ZSCAN12: variants seen among roughly 807,000 people sequenced by gnomAD.
ZSCAN12 encodes zinc finger and SCAN domain containing 12.
A neutral mutation model predicts 23.4 loss-of-function variants in ZSCAN12; 18 were observed. The ratio of observed to expected loss-of-function variants is 0.77; its 90% CI spans 0.53 to 1.14. The LOEUF (loss-of-function observed/expected upper bound fraction) is 1.14, where lower values mean the gene tolerates loss of function less well. Ranked by LOEUF, ZSCAN12 falls within the 50% of genes most tolerant of loss-of-function variation. ZSCAN12 has a pLI of 0.00. For synonymous variants in ZSCAN12, 186 were observed against 253.4 expected (o/e 0.73, Z 2.53); for missense variants, 650 against 735.0 (o/e 0.88, Z 1.34).
At position 28,394,146 on chromosome 6, in the gene ZSCAN12, C is replaced by T. The variant is rs562207034; in HGVS notation, c.403-1100G>A. On this transcript the variant is annotated intron_variant, in intron 2 of 3. Transcript: ENST00000684592. ...TCCCATTCTTCCATGGGCTTATTTCCTCTTGCATTTAAAAATAACAGGTTT... is the reference window on the plus strand; with the variant it reads ...TCCCATTCTTCCATGGGCTTATTTCTTCTTGCATTTAAAAATAACAGGTTT... 1.3e-5 allele frequency among the ~76,000 whole-genome samples: 2 copies of T among 152,286 alleles called. 1 individual carries two copies. Among genetic ancestry groups the T allele is most frequent in the Admixed American group, 1.3e-4 (2 of 15,296 alleles).
chr6:28,384,101 T>G (rs1259610478), downstream of ZSCAN12, among the ~76,000 whole-genome samples: 3 of 152,208 alleles, frequency 2.0e-5, no homozygotes, highest in Non-Finnish European at 4.4e-5. Context: ...AAACTGAGAT[T>G]CGAACCATGG....
Position 28,391,298 on chromosome 6 carries a change from TTATACGG to T in ZSCAN12, c.985_991del (p.Pro329SerfsTer295), listed in dbSNP as rs1282096386. ...AAAGGCTTTGCCACATTCATTACAC[TTATACGG>T]TTTCTCTCCAGTGTGTATTATTTTG... On this transcript the variant is annotated frameshift_variant, in exon 4 of 4. Coordinates refer to ENST00000684592, the MANE Select transcript of ZSCAN12 (RefSeq NM_001163391.2). LOFTEE classifies it low-confidence loss of function (END_TRUNC). This position sits in a 1 kb window ranked among gnomAD's most constrained non-coding sequence, Gnocchi z 4.1. 8 of 1,551,966 alleles carry T rather than the reference TTATACGG, an allele frequency of 5.2e-6. No homozygotes were observed. The East Asian group carries it at 1.5e-4, about 28-fold the overall frequency.
intron 2 of ZSCAN12, among the ~76,000 whole-genome samples, chr6:28,395,368 T>C (rs922021966): frequency 6.6e-6 from 1 of 152,176 alleles, no homozygotes; most frequent in South Asian, 2.1e-4. Flanking sequence ...TTAACTTACT[T>C]TCTCTCATAT....
In ZSCAN12 at chr6:28,385,533, T is replaced by C. The variant is rs1455235519; in HGVS notation, c.*4921A>G. ...AATTACCACTGCAACACATGGTTTG[T>C]TCAACTGAAATAAAGAGAGGAAGTG... On this transcript the variant is annotated 3_prime_UTR_variant, in exon 4 of 4. Transcript: ENST00000684592. Among the ~76,000 whole-genome samples, 1 of 152,214 alleles carries C rather than the reference T, an allele frequency of 6.6e-6. No individual in the cohort carries two copies. Among genetic ancestry groups the C allele is most frequent in the Non-Finnish European group, 1.5e-5 (1 of 68,038 alleles).
At chr6:28,384,563 G>T (rs367723122), downstream of ZSCAN12, among the ~76,000 whole-genome samples, 39 of 152,276 alleles carry the variant, frequency 2.6e-4, no homozygotes, top group African/African-American at 8.2e-4. Flanking sequence ...CTCTTCAAGA[G>T]ATGAAATCAA....
At chr6:28,382,692 C>G (rs1006536104), downstream of ZSCAN12, 3 of 1,468,720 alleles carry the variant, frequency 2.0e-6, no homozygotes, top group African/African-American at 4.3e-5. Context: ...GAACAAGGCA[C>G]TGAAAGAAAA....
In ZSCAN12 at chr6:28,391,372, T is replaced by C. The variant is rs1338973485; in HGVS notation, c.918A>G (p.Glu306=). ...HTGDRPYKCE[E]CGKAFRGRTV... The stretch of plus-strand genomic sequence containing the variant: ...TTCTCCCACGGAAAGCTTTTCCACA[T>C]TCTTCGCATTTGTAGGGTCTATCTC... The change falls in exon 4 of 4, where the codon GAA becomes GAG. Residue 306 remains glutamate (E), a synonymous_variant. Transcript: ENST00000684592. This position sits in a 1 kb window ranked among gnomAD's most constrained non-coding sequence, Gnocchi z 4.1. The C allele has an allele frequency of 3.2e-6, 5 of 1,551,654 alleles. No homozygotes were observed. The African/African-American group carries it at 6.8e-5, about 21-fold the overall frequency.
At chr6:28,380,719 G>A (rs1760190636), downstream of ZSCAN12, 1 of 153,758 alleles carries the variant, frequency 6.5e-6, no homozygotes, top group African/African-American at 2.4e-5. Flanking sequence ...ATGATGCTGA[G>A]TAATGACTCA....
At position 28,398,109 on chromosome 6, in the gene ZSCAN12, A is replaced by C; in HGVS notation, c.297T>G (p.Pro99=). 6.2e-7 allele frequency: 1 copy of C among 1,614,044 alleles called. No homozygotes were observed. The highest frequency in any genetic ancestry group is 1.1e-5 in the South Asian group (1 of 91,088). Residue 99 remains proline (P), a synonymous_variant, in exon 2 of 4, where the codon CCT becomes CCG. Coordinates refer to ENST00000684592, the MANE Select transcript of ZSCAN12 (RefSeq NM_001163391.2). The part of the protein sequence containing the change: ...LVLEQFLTIL[P]EELQAWVQEQ... ...CCTGCACCCAGGCCTGGAGCTCCTCAGGTAGGATGGTCAGGAACTGCTCCA... is the reference window on the plus strand; with the variant it reads ...CCTGCACCCAGGCCTGGAGCTCCTCCGGTAGGATGGTCAGGAACTGCTCCA...
intron 2 of ZSCAN12, among the ~76,000 whole-genome samples, chr6:28,394,258 G>A (rs1350420796): frequency 1.3e-5 from 2 of 152,022 alleles, no homozygotes; most frequent in Non-Finnish European, 2.9e-5. Flanking sequence ...TGTGACCTTG[G>A]GCTAGTTACT....
At position 28,385,342 on chromosome 6, in the gene ZSCAN12, AAGAAGTAG is replaced by A. The variant is rs1760490234; in HGVS notation, c.*5104_*5111del. 1.3e-5 allele frequency among the ~76,000 whole-genome samples: 2 copies of A among 152,234 alleles called. No individual in the cohort carries two copies. Among genetic ancestry groups the A allele is most frequent in the Non-Finnish European group, 2.9e-5 (2 of 68,046 alleles). ...GTGACACCCTCACTGTGCAGGCAAC[AAGAAGTAG>A]AGCTGTTTATGCTGGCCAAACCTCA... is the stretch of plus-strand genomic sequence containing the variant. On this transcript the variant is annotated 3_prime_UTR_variant, in exon 4 of 4. Coordinates refer to ENST00000684592, the MANE Select transcript of ZSCAN12 (RefSeq NM_001163391.2).
chr6:28,385,627 T>C lies in ZSCAN12; in HGVS notation c.*4827A>G, dbSNP rs1342781023. Among the ~76,000 whole-genome samples the C allele has an allele frequency of 6.6e-6, 1 of 152,216 alleles. No homozygotes were observed. The highest frequency in any genetic ancestry group is 2.4e-5 in the African/African-American group (1 of 41,450). ...GGGTTCAAATCTTGGCCTGACCACA[T>C]ACTAACTTCGGGACCTTGAGCAGCT... On this transcript the variant is annotated 3_prime_UTR_variant, in exon 4 of 4. Coordinates refer to ENST00000684592, the MANE Select transcript of ZSCAN12 (RefSeq NM_001163391.2).
Position 28,393,010 on chromosome 6 carries a change from G to C in ZSCAN12, c.439C>G (p.Gln147Glu). The change falls in exon 3 of 4, where the codon CAG becomes GAG. Residue 147 changes from glutamine (Q) to glutamate (E), a missense_variant. Gln to Glu is a conservative substitution (Grantham distance 29). Coordinates refer to ENST00000684592, the MANE Select transcript of ZSCAN12 (RefSeq NM_001163391.2). ...VHTGEQEMFLQETVRLRKEGE... is the reference protein window; with the variant it reads ...VHTGEQEMFLEETVRLRKEGE... Reference sequence around the variant, plus strand: ...TCTTTTCGTAGACGTACCGTCTCCTGCAAGAACATTTCCTGTTCCCCAGTG... The same window carrying C: ...TCTTTTCGTAGACGTACCGTCTCCTCCAAGAACATTTCCTGTTCCCCAGTG... The C allele has an allele frequency of 6.4e-7, 1 of 1,551,824 alleles. No homozygotes were observed. Among genetic ancestry groups the C allele is most frequent in the Non-Finnish European group, 8.7e-7 (1 of 1,146,988 alleles).
In ZSCAN12 at chr6:28,391,109, CT is replaced by C; in HGVS notation, c.1180del (p.Ser394ValfsTer232). 1 of 1,552,194 alleles carries C rather than the reference CT, an allele frequency of 6.4e-7. No individual in the cohort carries two copies. Among genetic ancestry groups the C allele is most frequent in the Non-Finnish European group, 8.7e-7 (1 of 1,147,116 alleles). On this transcript the variant is annotated frameshift_variant, in exon 4 of 4. Coordinates refer to ENST00000684592, the MANE Select transcript of ZSCAN12 (RefSeq NM_001163391.2). LOFTEE classifies it low-confidence loss of function (END_TRUNC). This position sits in a 1 kb window ranked among gnomAD's most constrained non-coding sequence, Gnocchi z 4.1. ...KPYQCTQCNK[S>X]FSRRSILTQH... is the part of the protein sequence containing the mutation. ...AGTAAGTATGGAACGCCGACTAAAA[CT>C]TTTATTACACTGAGTGCACTGATAA...
In ZSCAN12 at chr6:28,390,888, G is replaced by GT; in HGVS notation, c.1401dup (p.Pro468ThrfsTer5). 1 of 1,572,152 alleles carries GT rather than the reference G, an allele frequency of 6.4e-7. No homozygotes were observed. The highest frequency in any genetic ancestry group is 8.6e-7 in the Non-Finnish European group (1 of 1,158,196). On this transcript the variant is annotated frameshift_variant, in exon 4 of 4. Coordinates refer to ENST00000684592, the MANE Select transcript of ZSCAN12 (RefSeq NM_001163391.2). LOFTEE classifies it low-confidence loss of function (END_TRUNC). ...TTTTCACATACGTCACATTTGTAGG[G>GT]TTTTTCCCCAGTGTGAATTCTCTGA...
At position 28,389,898 on chromosome 6, in the gene ZSCAN12, T is replaced by C. The variant is rs1177602289; in HGVS notation, c.*556A>G. On this transcript the variant is annotated 3_prime_UTR_variant, in exon 4 of 4. Coordinates refer to ENST00000684592, the MANE Select transcript of ZSCAN12 (RefSeq NM_001163391.2). ...ACACTCTGGCCCTCTTATGTGTCTG[T>C]CCCCAAGCTGTTTCCAACTTAATGC... Among the ~76,000 whole-genome samples the C allele has an allele frequency of 6.6e-6, 1 of 152,210 alleles. No homozygotes were observed. Among genetic ancestry groups the C allele is most frequent in the Non-Finnish European group, 1.5e-5 (1 of 68,036 alleles).
At position 28,390,824 on chromosome 6, in the gene ZSCAN12, C is replaced by T. The variant is rs781040861; in HGVS notation, c.1466G>A (p.Arg489Gln). 20 of 1,596,622 alleles carry T rather than the reference C, an allele frequency of 1.3e-5. No individual in the cohort carries two copies. The highest frequency in any genetic ancestry group is 1.1e-4 in the South Asian group (10 of 88,728). ...IQRTSLTEHQ[R>Q]IHTGERPYKC... ...ATAGGGTCTTTCTCCAGTGTGAATTCGCTGATGTTCTGTAAGACTTGTCCT... is the reference window on the plus strand; with the variant it reads ...ATAGGGTCTTTCTCCAGTGTGAATTTGCTGATGTTCTGTAAGACTTGTCCT... The change falls in exon 4 of 4, where the codon CGA becomes CAA. Residue 489 changes from arginine to glutamine, a missense_variant. Coordinates refer to ENST00000684592, the MANE Select transcript of ZSCAN12 (RefSeq NM_001163391.2).
chr6:28,398,293 T>C lies in ZSCAN12; in HGVS notation c.113A>G (p.Asn38Ser), dbSNP rs753238014. ...TRQDWDLRKN[N>S]THSREVFRQY... ...ACGGAAGACCTCTCTGCTATGGGTG[T>C]TGTTTTTACGCAGGTCCCAATCCTG... is the stretch of plus-strand genomic sequence containing the variant. Residue 38 changes from asparagine (N) to serine (S), a missense_variant, in exon 2 of 4, where the codon AAC (asparagine) becomes AGC (serine). Coordinates refer to ENST00000684592, the MANE Select transcript of ZSCAN12 (RefSeq NM_001163391.2). 6.3e-7 allele frequency: 1 copy of C among 1,596,498 alleles called. No individual in the cohort carries two copies. The highest frequency in any genetic ancestry group is 1.1e-5 in the South Asian group (1 of 88,854).
chr6:28,399,151 A>T (rs1014623092), intron 1 of ZSCAN12, among the ~76,000 whole-genome samples: 2 of 152,210 alleles, frequency 1.3e-5, no homozygotes, highest in African/African-American at 4.8e-5. Flanking sequence ...GAATGTCCAG[A>T]TGTCTGGTGG....
Sources: allele counts gnomAD v4.1 joint callset (sites outside exome capture counted in the v4.1 genomes callset), GRCh38; gene constraint gnomAD v4.1.1; non-coding constraint Gnocchi (gnomAD v3.1); transcripts MANE v1.5; gene names NCBI Gene and HGNC (gene_info 2026-07-23, HGNC 2026-07-21).